Variants in PATJ observed in about 807,000 individuals in gnomAD.
PATJ encodes the protein inaD-like protein.
PATJ carries 190 observed loss-of-function variants against 224.9 expected under a neutral mutation model. That is an observed-to-expected ratio of 0.84 (90% CI 0.75 to 0.95). PATJ has a LOEUF of 0.95. Ranked by LOEUF, PATJ falls within the 40% of genes least tolerant of loss-of-function variation. PATJ has a pLI of 0.00. For missense variants in PATJ, 2,121 were observed against 2,270.3 expected, an observed-to-expected ratio of 0.93 and a Z score of 1.34; for synonymous variants, 769 against 820.3, an observed-to-expected ratio of 0.94 and a Z score of 1.07.
At chr1:62,153,033 A>G (rs1668785228) in intron 42 of PATJ, among the ~76,000 whole-genome samples, 1 of 137,984 alleles carries the variant, frequency 7.2e-6, no homozygotes, top group South Asian at 2.2e-4. Flanking sequence ...CTCCGTCTCA[A>G]AAAAAGAAAA....
At chr1:62,116,198 C>G (rs1459375134) in intron 35 of PATJ, among the ~76,000 whole-genome samples, 1 of 152,160 alleles carries the variant, frequency 6.6e-6, no homozygotes, top group East Asian at 1.9e-4. Flanking sequence ...CTTTGACTAA[C>G]AATTCCATCA....
intron 31 of PATJ, among the ~76,000 whole-genome samples, chr1:62,067,573 A>G (rs945301231): frequency 6.6e-6 from 1 of 152,196 alleles, no homozygotes; most frequent in Admixed American, 6.5e-5. Flanking sequence ...CAGAGTTACT[A>G]TGGCCTACAT....
intron 13 of PATJ, 123 bp downstream of exon 13, chr1:61,805,647 C>T: frequency 1.6e-6 from 1 of 631,374 alleles, no homozygotes; most frequent in South Asian, 2.0e-5. Context: ...TTCCTTCCTG[C>T]CTTTCTTCCC....
chr1:62,141,254 T>C (rs1211375803), intron 41 of PATJ, among the ~76,000 whole-genome samples: 2 of 152,200 alleles, frequency 1.3e-5, no homozygotes, highest in East Asian at 3.9e-4. Context: ...ATCCTGGCTT[T>C]ACCCCTTACT....
intron 26 of PATJ, among the ~76,000 whole-genome samples, chr1:61,917,500 C>T (rs1673619628): frequency 6.6e-6 from 1 of 152,120 alleles, no homozygotes. Flanking sequence ...CTCCTTGAAT[C>T]CTTTAATGTA....
Position 61,954,752 on chromosome 1 carries a change from A to AT in PATJ, c.3670+26925dup, listed in dbSNP as rs373997284. 6.9e-4 allele frequency among the ~76,000 whole-genome samples: 77 copies of AT among 112,328 alleles called. 2 individuals carry two copies. The highest frequency in any genetic ancestry group is 1.4e-3 in the Admixed American group (12 of 8,322). The allele number at this position is 112,328 out of a possible 152,430, so 73.7% of individuals were successfully genotyped here. On this transcript the variant is annotated intron_variant, in intron 27 of 43. Coordinates refer to ENST00000642238, the MANE Select transcript of PATJ (RefSeq NM_001350145.3). Reference sequence around the variant, plus strand: ...TTACATTTATGATATGCCAAACTCTATTGTTTTTTTTTTTTTTTTGAGACA... The same window carrying AT: ...TTACATTTATGATATGCCAAACTCTATTTGTTTTTTTTTTTTTTTTGAGACA...
At chr1:61,850,780 A>G (rs1198848031) in intron 17 of PATJ, among the ~76,000 whole-genome samples, 2 of 152,228 alleles carry the variant, frequency 1.3e-5, no homozygotes, top group African/African-American at 4.8e-5. Flanking sequence ...TTTCCTCACC[A>G]GGAAAGTGGG....
intron 29 of PATJ, among the ~76,000 whole-genome samples, chr1:62,031,185 A>G (rs974874262): frequency 6.6e-6 from 1 of 152,202 alleles, no homozygotes. Context: ...CCCAGGCAGC[A>G]GAGGCTCCTT....
chr1:61,933,743 A>G (rs1178827367), intron 27 of PATJ, among the ~76,000 whole-genome samples: 1 of 152,142 alleles, frequency 6.6e-6, no homozygotes, highest in Non-Finnish European at 1.5e-5. Flanking sequence ...AACCAAAATA[A>G]AATGTTATGT....
At chr1:61,861,310 G>A (rs577915142) in intron 18 of PATJ, among the ~76,000 whole-genome samples, 3 of 37,996 alleles carry the variant, frequency 7.9e-5, no homozygotes, top group African/African-American at 1.6e-4. Context: ...TTTTTTTTAC[G>A]TGAATGAATC....
intron 31 of PATJ, among the ~76,000 whole-genome samples, chr1:62,063,337 G>C (rs1655870721): frequency 6.6e-6 from 1 of 152,076 alleles, no homozygotes; most frequent in Admixed American, 6.5e-5. Context: ...TTGTTTCTGG[G>C]TTCTCTGTTT....
rs1419686330 is a variant in PATJ, at chr1:61,861,437, A to G, written c.2323-114A>G. ...GATTTACTGCACTTATCAACCCATC[A>G]TCTAGGTTTTAAGCCCCGTGTGCAT... is the stretch of plus-strand genomic sequence containing the variant. On this transcript the variant is annotated intron_variant, in intron 18 of 43. Coordinates refer to ENST00000642238, the MANE Select transcript of PATJ (RefSeq NM_001350145.3). 1.3e-5 allele frequency: 7 copies of G among 556,602 alleles called. No homozygotes were observed. In the Admixed American group the frequency reaches 2.2e-4, roughly 18 times the overall value. The allele number at this position is 556,602 out of a possible 1,614,324, so 34.5% of individuals were successfully genotyped here.
chr1:62,155,989 C>T (rs137969681), intron 43 of PATJ, among the ~76,000 whole-genome samples: 3 of 125,738 alleles, frequency 2.4e-5, no homozygotes, highest in African/African-American at 6.0e-5. Context: ...ACCCGGGAGG[C>T]GGAGCTTGCA....
intron 30 of PATJ, among the ~76,000 whole-genome samples, chr1:62,039,985 T>C (rs527501048): frequency 6.6e-6 from 1 of 152,098 alleles, no homozygotes; most frequent in African/African-American, 2.4e-5. Context: ...CCAGCCAACC[T>C]CCTGGTGAGT....
intron 28 of PATJ, among the ~76,000 whole-genome samples, chr1:62,013,766 C>T (rs995670367): frequency 1.3e-5 from 2 of 152,086 alleles, no homozygotes; most frequent in African/African-American, 4.8e-5. Context: ...GAATCAGGCT[C>T]ATTCCAAACG....
intron 31 of PATJ, among the ~76,000 whole-genome samples, chr1:62,052,464 G>A (rs1467681791): frequency 3.3e-5 from 5 of 150,292 alleles, no homozygotes; most frequent in South Asian, 4.2e-4. Flanking sequence ...AAAAATGACC[G>A]GGCACAGTGA....
At chr1:62,046,020 G>T (rs750641441) in intron 30 of PATJ, among the ~76,000 whole-genome samples, 3 of 152,032 alleles carry the variant, frequency 2.0e-5, no homozygotes, top group Non-Finnish European at 4.4e-5. Flanking sequence ...GGGCAGCATG[G>T]TGAAACCCTG....
chr1:61,888,670 T>C (rs985097116), intron 22 of PATJ, among the ~76,000 whole-genome samples: 1 of 152,230 alleles, frequency 6.6e-6, no homozygotes, highest in African/African-American at 2.4e-5. Flanking sequence ...ATTGTAACTG[T>C]AGAATGTGAA....
At chr1:62,089,464 T>A (rs758660367) in intron 33 of PATJ, among the ~76,000 whole-genome samples, 1 of 152,082 alleles carries the variant, frequency 6.6e-6, no homozygotes, top group South Asian at 2.1e-4. Flanking sequence ...AATCCCATTG[T>A]CCTTGGAAGG....
Sources: gnomAD v4.1 joint callset for allele counts (sites outside exome capture counted in the v4.1 genomes callset) on GRCh38, gnomAD v4.1.1 for gene constraint, MANE v1.5 for transcripts, NCBI Gene and HGNC (gene_info 2026-07-23, HGNC 2026-07-21) for gene names.